Variants in DDB1 observed in about 807,000 individuals in gnomAD.
DDB1 encodes damage specific DNA binding protein 1.
A neutral mutation model predicts 133.1 loss-of-function variants in DDB1; 18 were observed. The ratio of observed to expected loss-of-function variants is 0.14; its 90% CI spans 0.09 to 0.20. The LOEUF (loss-of-function observed/expected upper bound fraction) is 0.20, where lower values mean the gene tolerates loss of function less well. Ranked by LOEUF, DDB1 falls within the 10% of genes least tolerant of loss-of-function variation. The pLI is 1.00. For synonymous variants in DDB1, 580 were observed against 550.5 expected, an observed-to-expected ratio of 1.05 and a Z score of -0.75; for missense variants, 828 against 1,459.2, an observed-to-expected ratio of 0.57 and a Z score of 7.05.
intron 10 of DDB1, among the ~76,000 whole-genome samples, chr11:61,320,048 G>A (rs1189028595): frequency 6.6e-6 from 1 of 152,054 alleles, no homozygotes; most frequent in Non-Finnish European, 1.5e-5. Context: ...CTAATTGACT[G>A]TGTTTACATG....
Position 61,332,888 on chromosome 11 carries a change from T to C in DDB1, c.61+20A>G. On this transcript the variant is annotated intron_variant, in intron 1 of 26. Coordinates refer to ENST00000301764, the MANE Select transcript of DDB1 (RefSeq NM_001923.5). ...CCCAACTCCCTCACTCGCCGGGGTC[T>C]CCGGCCCCGGCAGCCTCACCGGTCA... 2.0e-6 allele frequency: 3 copies of C among 1,471,196 alleles called. No individual in the cohort carries two copies. In the South Asian group the frequency reaches 3.9e-5, roughly 19 times the overall value. 91.1% of individuals were successfully genotyped at this position (1,471,196 alleles called of 1,614,324 possible). A position where few individuals can be genotyped will look rare whatever the true frequency, so the allele number is the denominator to read the frequency against.
chr11:61,313,306 C>G (rs1856009237), intron 16 of DDB1, among the ~76,000 whole-genome samples, 193 bp downstream of exon 16: 1 of 152,148 alleles, frequency 6.6e-6, no homozygotes, highest in Admixed American at 6.5e-5. Flanking sequence ...ACTGAGGATT[C>G]CAAAAATCCT....
Position 61,316,378 on chromosome 11 carries a change from A to C in DDB1, c.1317T>G (p.Asn439Lys), listed in dbSNP as rs747705172. ...GTTCGGTTTCTTCTACCTCCTCTCCATTTAACATGAGAACTCTGCAGCAGA... is the reference window on the plus strand; with the variant it reads ...GTTCGGTTTCTTCTACCTCCTCTCCCTTTAACATGAGAACTCTGCAGCAGA... Reference protein sequence around the residue: ...FVGQTRVLMLNGEEVEETELM... With the variant: ...FVGQTRVLMLKGEEVEETELM... The change falls in exon 12 of 27, where the codon AAT (asparagine) becomes AAG (lysine). Residue 439 changes from asparagine to lysine, a missense_variant. By Grantham distance (94) the Asn-to-Lys change is moderately conservative. Coordinates refer to ENST00000301764, the MANE Select transcript of DDB1 (RefSeq NM_001923.5). 6.2e-7 allele frequency: 1 copy of C among 1,614,036 alleles called. No homozygotes were observed.
Position 61,300,126 on chromosome 11 carries a change from C to G in DDB1, c.*10G>C. On this transcript the variant is annotated 3_prime_UTR_variant, in exon 27 of 27. Transcript: ENST00000301764. ...TGGGGAGGGTCAGCAAAGGGGCCCC[C>G]TGCCCTTGGCTAATGGATCCGAGTT... 1 of 1,613,930 alleles carries G rather than the reference C, an allele frequency of 6.2e-7. No individual in the cohort carries two copies. Among genetic ancestry groups the G allele is most frequent in the Non-Finnish European group, 8.5e-7 (1 of 1,179,966 alleles).
intron 16 of DDB1, among the ~76,000 whole-genome samples, chr11:61,312,775 T>C (rs961807636): frequency 6.6e-6 from 1 of 151,932 alleles, no homozygotes; most frequent in African/African-American, 2.4e-5. Flanking sequence ...ACTTTTGTAT[T>C]TTTAGTAGAG....
intron 21 of DDB1, among the ~76,000 whole-genome samples, chr11:61,307,862 C>T (rs1434541109): frequency 6.6e-6 from 1 of 152,152 alleles, no homozygotes; most frequent in African/African-American, 2.4e-5. Flanking sequence ...CAATCTATCA[C>T]CAAAGTCCTT....
In DDB1 at chr11:61,324,057, G is replaced by A. The variant is rs1411552479; in HGVS notation, c.843C>T (p.Phe281=). 4.3e-6 allele frequency: 7 copies of A among 1,614,182 alleles called. No individual in the cohort carries two copies. The highest frequency in any genetic ancestry group is 4.2e-6 in the Non-Finnish European group (5 of 1,180,036). The part of the protein sequence containing the change: ...YLLGDMEGRL[F]MLLLEKEEQM... The stretch of plus-strand genomic sequence containing the variant: ...GTTCCTCCTTCTCCAAAAGCAGCAT[G>A]AAGAGCCGGCCTTCCATGTCTCCCA... Residue 281 remains phenylalanine (F), a synonymous_variant, in exon 7 of 27, where the codon TTC becomes TTT. Transcript: ENST00000301764.
At chr11:61,330,853 A>G (rs1856355372) in intron 2 of DDB1, among the ~76,000 whole-genome samples, 1 of 152,078 alleles carries the variant, frequency 6.6e-6, no homozygotes, top group East Asian at 1.9e-4. Context: ...ATGGGGTTTC[A>G]CCATGTTGGC....
chr11:61,315,706 T>C (rs1287196307), intron 12 of DDB1: 1 of 152,544 alleles, frequency 6.6e-6, no homozygotes, highest in East Asian at 1.9e-4. Flanking sequence ...AAAAAATTGC[T>C]GAGGGGTGGA....
chr11:61,309,671 G>T (rs1565240295), intron 20 of DDB1, 125 bp downstream of exon 20: 2 of 940,696 alleles, frequency 2.1e-6, no homozygotes, highest in Non-Finnish European at 3.2e-6. Context: ...GAAGAGAATA[G>T]CTCTTTACAG....
chr11:61,323,755 C>T, intron 7 of DDB1: 1 of 524,186 alleles, frequency 1.9e-6, no homozygotes, highest in Non-Finnish European at 3.4e-6. Context: ...TTCTGTTTCC[C>T]TTTCTTTTCC....
At chr11:61,324,235 T>C (rs959246548) in intron 6 of DDB1, 98 bp from the exon 7 acceptor site, 7 of 1,341,896 alleles carry the variant, frequency 5.2e-6, no homozygotes, top group Middle Eastern at 5.1e-4. Context: ...CCAGCCATTT[T>C]ACCAGCAGAC....
chr11:61,321,225 G>A (rs778875393), intron 10 of DDB1: 7 of 155,938 alleles, frequency 4.5e-5, no homozygotes, highest in Non-Finnish European at 7.1e-5. Context: ...TGGAATTTAG[G>A]AAGATTTATA....
chr11:61,307,299 T>C (rs1276150353), intron 21 of DDB1, among the ~76,000 whole-genome samples: 1 of 152,262 alleles, frequency 6.6e-6, no homozygotes, highest in Non-Finnish European at 1.5e-5. Context: ...TACTCTCCGC[T>C]GAGGCGACTG....
chr11:61,304,823 A>G (rs1426523952), intron 21 of DDB1, among the ~76,000 whole-genome samples: 1 of 150,670 alleles, frequency 6.6e-6, no homozygotes, highest in Non-Finnish European at 1.5e-5. Context: ...GCTTGCAGTG[A>G]GCCAAGATGG....
At position 61,316,970 on chromosome 11, in the gene DDB1, T is replaced by C. The variant is rs1453598919; in HGVS notation, c.1226-403A>G. ...AGATATATATATATATATATATATA[T>C]ATATATATATATATATATATATATA... is the stretch of plus-strand genomic sequence containing the variant. On this transcript the variant is annotated intron_variant, in intron 10 of 26. Coordinates refer to ENST00000301764, the MANE Select transcript of DDB1 (RefSeq NM_001923.5). Among the ~76,000 whole-genome samples, 290 of 54,318 alleles carry C rather than the reference T, an allele frequency of 5.3e-3. 30 individuals are homozygous for C. Among genetic ancestry groups the C allele is most frequent in the African/African-American group, 0.019 (277 of 14,444 alleles). The allele number at this position is 54,318 out of a possible 152,430, so 35.6% of individuals were successfully genotyped here.
rs1190089963 is a variant in DDB1 at position 61,303,150 on chromosome 11, A to T, written c.2838T>A (p.Ala946=). 6.2e-7 allele frequency: 1 copy of T among 1,614,070 alleles called. No individual in the cohort carries two copies. Among genetic ancestry groups the T allele is most frequent in the Admixed American group, 1.7e-5 (1 of 60,018 alleles). ...TCATCCAGTTGGGATTAAAGTCTCG[A>T]GCAATCTTAAAACAGACAAGGTGAA... ...KPMEGNFEEI[A]RDFNPNWMSA... is the part of the protein sequence containing the mutation. The change falls in exon 23 of 27, where the codon GCT becomes GCA. Residue 946 remains alanine (A), a synonymous_variant. Transcript: ENST00000301764.
At chr11:61,318,948 C>T (rs1168786381) in intron 10 of DDB1, among the ~76,000 whole-genome samples, 1 of 152,206 alleles carries the variant, frequency 6.6e-6, no homozygotes, top group African/African-American at 2.4e-5. Flanking sequence ...CCTGTGATTA[C>T]AGCACTTCAG....
At chr11:61,331,847 G>A (rs949149258) in intron 1 of DDB1, 156 bp from the exon 2 acceptor site, 14 of 1,004,082 alleles carry the variant, frequency 1.4e-5, no homozygotes, top group Middle Eastern at 4.9e-4. Context: ...TGCCAAATCC[G>A]GCACCTCAAA....
Sources: gnomAD v4.1 joint callset for allele counts (sites outside exome capture counted in the v4.1 genomes callset) on GRCh38, gnomAD v4.1.1 for gene constraint, MANE v1.5 for transcripts, NCBI Gene and HGNC (gene_info 2026-07-23, HGNC 2026-07-21) for gene names.